Variants in CD1C observed in about 807,000 individuals in gnomAD.
The protein encoded by CD1C is T-cell surface glycoprotein CD1c.
CD1C carries 47 observed loss-of-function variants against 39.4 expected under a neutral mutation model. The observed-to-expected ratio is 1.19, with a 90% CI of 0.94 to 1.52. The LOEUF (loss-of-function observed/expected upper bound fraction) is 1.52, where lower values mean the gene tolerates loss of function less well. Among genes scored for constraint, CD1C ranks in the 40% most tolerant of loss-of-function variants. The pLI is 0.00. For missense variants in CD1C, 417 were observed against 395.2 expected (o/e 1.06, Z -0.47); for synonymous variants, 165 against 150.8 (o/e 1.09, Z -0.69).
At chr1:158,290,874 T>C (rs1651009942) in intron 1 of CD1C, among the ~76,000 whole-genome samples, 1 of 152,114 alleles carries the variant, frequency 6.6e-6, no homozygotes, top group Non-Finnish European at 1.5e-5. Flanking sequence ...TGTATCTGGG[T>C]TGAGCATGAT....
chr1:158,291,545 T>C (rs528109968), intron 2 of CD1C, 145 bp downstream of exon 2: 1 of 829,136 alleles, frequency 1.2e-6, no homozygotes, highest in East Asian at 2.6e-5. Context: ...ATATTCCTGA[T>C]GTTGACTCCC....
chr1:158,290,181 G>C (rs757030115), intron 1 of CD1C, 56 bp downstream of exon 1: 69 of 1,498,326 alleles, frequency 4.6e-5, no homozygotes, highest in Non-Finnish European at 6.3e-5. Flanking sequence ...AGTGTGCTGG[G>C]CTTTCCCGAG....
Position 158,289,950 on chromosome 1 carries a change from G to C in CD1C, c.-115G>C. ...ATCTTCTTAGTTGCTGTCAGCGGCT[G>C]ATGGGGAAGATTGTTGGTAGAAGGA... is the stretch of plus-strand genomic sequence containing the variant. On this transcript the variant is annotated 5_prime_UTR_variant, in exon 1 of 6. Coordinates refer to ENST00000368170, the MANE Select transcript of CD1C (RefSeq NM_001765.3). 1.1e-6 allele frequency: 1 copy of C among 891,070 alleles called. No individual in the cohort carries two copies. Among genetic ancestry groups the C allele is most frequent in the Non-Finnish European group, 1.8e-6 (1 of 557,564 alleles). 55.2% of individuals were successfully genotyped at this position (891,070 alleles called of 1,614,324 possible). A position where few individuals can be genotyped will look rare whatever the true frequency, so the allele number is the denominator to read the frequency against.
In CD1C at chr1:158,291,220, C is replaced by T; in HGVS notation, c.148C>T (p.Leu50=). 6.2e-7 allele frequency: 1 copy of T among 1,614,000 alleles called. No homozygotes were observed. Among genetic ancestry groups the T allele is most frequent in the Non-Finnish European group, 8.5e-7 (1 of 1,180,002 alleles). Residue 50 remains leucine, a synonymous_variant, in exon 2 of 6, where the codon CTG becomes TTG. Transcript: ENST00000368170. Reference sequence around the variant, plus strand: ...GGCACGAGGTCAGGGCTCAGGATGGCTGGACGAGTTGCAGACTCATGGCTG... The same window carrying T: ...GGCACGAGGTCAGGGCTCAGGATGGTTGGACGAGTTGCAGACTCATGGCTG... ...SWARGQGSGW[L]DELQTHGWDS... is the part of the protein sequence containing the mutation.
In CD1C at chr1:158,293,869, C is replaced by T. The variant is rs1406567104; in HGVS notation, c.*393C>T. On this transcript the variant is annotated 3_prime_UTR_variant, in exon 6 of 6. Transcript: ENST00000368170. ...GTGCCTTTCCTGCATATGATAGGCTCAGTGAAACACAAAACAAAACATCAT... is the reference window on the plus strand; with the variant it reads ...GTGCCTTTCCTGCATATGATAGGCTTAGTGAAACACAAAACAAAACATCAT... Among the ~76,000 whole-genome samples, 1 of 152,160 alleles carries T rather than the reference C, an allele frequency of 6.6e-6. No homozygotes were observed. The highest frequency in any genetic ancestry group is 1.5e-5 in the Non-Finnish European group (1 of 68,034).
In CD1C at chr1:158,290,041, GAGAA is replaced by G. The variant is rs1197275409; in HGVS notation, c.-18_-15del. 6.2e-7 allele frequency: 1 copy of G among 1,612,224 alleles called. No individual in the cohort carries two copies. The highest frequency in any genetic ancestry group is 8.5e-7 in the Non-Finnish European group (1 of 1,178,368). On this transcript the variant is annotated 5_prime_UTR_variant, in exon 1 of 6. Coordinates refer to ENST00000368170, the MANE Select transcript of CD1C (RefSeq NM_001765.3). ...AGAGATCAGCAAACAGCTTTTCTGA[GAGAA>G]AGAAACATCTGCAAATGACATGCTG...
chr1:158,291,322 C>T lies in CD1C; in HGVS notation c.250C>T (p.Leu84=). 1 of 1,614,072 alleles carries T rather than the reference C, an allele frequency of 6.2e-7. No individual in the cohort carries two copies. The highest frequency in any genetic ancestry group is 8.5e-7 in the Non-Finnish European group (1 of 1,179,954). The stretch of plus-strand genomic sequence containing the variant: ...CTTCAGCAATGAAGAGTTGTCAGAC[C>T]TAGAGTTGTTATTTCGTTTCTACCT... ...GNFSNEELSD[L]ELLFRFYLFG... The change falls in exon 2 of 6, where the codon CTA becomes TTA. Residue 84 remains leucine (L), a synonymous_variant. Transcript: ENST00000368170.
In CD1C at chr1:158,291,547, T is replaced by C. The variant is rs983675758; in HGVS notation, c.328+147T>C. On this transcript the variant is annotated intron_variant, in intron 2 of 5. Transcript: ENST00000368170. Reference sequence around the variant, plus strand: ...AACCTTTTAAGGGATATTCCTGATGTTGACTCCCTCAAATTTCCTAGGCTC... The same window carrying C: ...AACCTTTTAAGGGATATTCCTGATGCTGACTCCCTCAAATTTCCTAGGCTC... 9.7e-6 allele frequency: 8 copies of C among 824,150 alleles called. No individual in the cohort carries two copies. The Admixed American group carries it at 1.7e-4, about 17-fold the overall frequency. 51.1% of individuals were successfully genotyped at this position (824,150 alleles called of 1,614,324 possible). A position where few individuals can be genotyped will look rare whatever the true frequency, so the allele number is the denominator to read the frequency against.
chr1:158,290,212 G>T lies in CD1C; in HGVS notation c.61+87G>T. 5.0e-6 allele frequency: 6 copies of T among 1,211,576 alleles called. No homozygotes were observed. The South Asian group carries it at 7.7e-5, about 15-fold the overall frequency. The allele number at this position is 1,211,576 out of a possible 1,614,324, so 75.1% of individuals were successfully genotyped here. On this transcript the variant is annotated intron_variant, in intron 1 of 5. Transcript: ENST00000368170. ...CCGAGATGGATCAATAGAGATGCCAGAATGCTTGCCATCTGAGCATACCTG... is the reference window on the plus strand; with the variant it reads ...CCGAGATGGATCAATAGAGATGCCATAATGCTTGCCATCTGAGCATACCTG...
At position 158,294,518 on chromosome 1, in the gene CD1C, G is replaced by T. The variant is rs984453825; in HGVS notation, c.*1042G>T. Among the ~76,000 whole-genome samples the T allele has an allele frequency of 6.6e-6, 1 of 152,170 alleles. No homozygotes were observed. Among genetic ancestry groups the T allele is most frequent in the East Asian group, 1.9e-4 (1 of 5,180 alleles). On this transcript the variant is annotated 3_prime_UTR_variant, in exon 6 of 6. Transcript: ENST00000368170. ...TATTTATTTCAAAAAATTTTAAATAGATTTTATTGATGTATAATTTATAGT... is the reference window on the plus strand; with the variant it reads ...TATTTATTTCAAAAAATTTTAAATATATTTTATTGATGTATAATTTATAGT...
In CD1C at chr1:158,292,654, GGTTTGTCAT is replaced by G. The variant is rs752096853; in HGVS notation, c.671_679del (p.Val224_His226del). 26 of 1,613,580 alleles carry G rather than the reference GGTTTGTCAT, an allele frequency of 1.6e-5. No homozygotes were observed. The highest frequency in any genetic ancestry group is 2.1e-5 in the Non-Finnish European group (25 of 1,180,056). ...GCCTTGGGTCTGGCCAGCTGTTGCT[GGTTTGTCAT>G]GCCTCCGGCTTCTACCCAAAGCCTG... On this transcript the variant is annotated inframe_deletion, in exon 4 of 6. Transcript: ENST00000368170.
At position 158,292,786 on chromosome 1, in the gene CD1C, C is replaced by G. The variant is rs3176969; in HGVS notation, c.801C>G (p.Ile267Met). Residue 267 changes from isoleucine to methionine, a missense_variant, in exon 4 of 6, where the codon ATC becomes ATG. Physicochemically the swap from Ile to Met is conservative, Grantham distance 10. Transcript: ENST00000368170. ...NADGTWYLQV[I>M]LEVASEEPAG... ...ATGGGACATGGTATCTTCAGGTGATCCTGGAGGTGGCATCTGAGGAGCCTG... is the reference window on the plus strand; with the variant it reads ...ATGGGACATGGTATCTTCAGGTGATGCTGGAGGTGGCATCTGAGGAGCCTG... The G allele has an allele frequency of 7.4e-6, 12 of 1,614,040 alleles. No homozygotes were observed. Among genetic ancestry groups the G allele is most frequent in the Non-Finnish European group, 1.0e-5 (12 of 1,180,018 alleles).
Position 158,290,047 on chromosome 1 carries a change from GA to G in CD1C, c.-15del. On this transcript the variant is annotated 5_prime_UTR_variant, in exon 1 of 6. Coordinates refer to ENST00000368170, the MANE Select transcript of CD1C (RefSeq NM_001765.3). ...CAGCAAACAGCTTTTCTGAGAGAAA[GA>G]AACATCTGCAAATGACATGCTGTTT... The G allele has an allele frequency of 6.2e-7, 1 of 1,613,216 alleles. No homozygotes were observed. Among genetic ancestry groups the G allele is most frequent in the Non-Finnish European group, 8.5e-7 (1 of 1,179,276 alleles).
rs1650975666 is a variant in CD1C, at chr1:158,289,992, C to G, written c.-73C>G. 3.6e-6 allele frequency: 5 copies of G among 1,382,984 alleles called. No individual in the cohort carries two copies. Among genetic ancestry groups the G allele is most frequent in the South Asian group, 2.4e-5 (2 of 84,982 alleles). 85.7% of individuals were successfully genotyped at this position (1,382,984 alleles called of 1,614,324 possible). ...GTAGAAGGAAGTCAGAATATAGGTACAGAGGGATAAGTTTGCTAAGAACAG... is the reference window on the plus strand; with the variant it reads ...GTAGAAGGAAGTCAGAATATAGGTAGAGAGGGATAAGTTTGCTAAGAACAG... On this transcript the variant is annotated 5_prime_UTR_variant, in exon 1 of 6. An upstream open reading frame in the 5' UTR gains an earlier in-frame stop. Transcript: ENST00000368170.
chr1:158,293,735 G>A lies in CD1C; in HGVS notation c.*259G>A, dbSNP rs956304218. 4.1e-6 allele frequency: 3 copies of A among 739,272 alleles called. No individual in the cohort carries two copies. The highest frequency in any genetic ancestry group is 1.8e-5 in the South Asian group (1 of 55,480). The allele number at this position is 739,272 out of a possible 1,614,324, so 45.8% of individuals were successfully genotyped here. ...TTCCTTGACCCATACTGAACCCAGA[G>A]AGCCCCTCAACTGTTATGTGCATGC... On this transcript the variant is annotated 3_prime_UTR_variant, in exon 6 of 6. Coordinates refer to ENST00000368170, the MANE Select transcript of CD1C (RefSeq NM_001765.3).
rs1651167428 is a variant in CD1C at position 158,294,649 on chromosome 1, TG to T, written c.*1174del. ...ATTAAATGTCATAACCCCTCATACC[TG>T]TTTGTAGTCAAGCACACCAACAACC... On this transcript the variant is annotated 3_prime_UTR_variant, in exon 6 of 6. Coordinates refer to ENST00000368170, the MANE Select transcript of CD1C (RefSeq NM_001765.3). 6.6e-6 allele frequency among the ~76,000 whole-genome samples: 1 copy of T among 152,198 alleles called. No homozygotes were observed.
chr1:158,291,944 T>G, intron 2 of CD1C, 140 bp from the exon 3 acceptor site: 1 of 807,344 alleles, frequency 1.2e-6, no homozygotes, highest in South Asian at 1.8e-5. Context: ...CTCTCTTGTT[T>G]CTGATCAAAT....
Position 158,291,410 on chromosome 1 carries a change from A to C in CD1C, c.328+10A>C, listed in dbSNP as rs1292307678. 1 of 1,612,002 alleles carries C rather than the reference A, an allele frequency of 6.2e-7. No individual in the cohort carries two copies. The highest frequency in any genetic ancestry group is 2.2e-5 in the East Asian group (1 of 44,852). Reference sequence around the variant, plus strand: ...CAAGATTACTCGAAATGTAAGTTCAATCATCTAAATTATGGGAGTTCTTTA... The same window carrying C: ...CAAGATTACTCGAAATGTAAGTTCACTCATCTAAATTATGGGAGTTCTTTA... On this transcript the variant is annotated intron_variant, in intron 2 of 5. Coordinates refer to ENST00000368170, the MANE Select transcript of CD1C (RefSeq NM_001765.3).
intron 1 of CD1C, among the ~76,000 whole-genome samples, chr1:158,290,698 T>A (rs768368299): frequency 1.1e-4 from 17 of 152,064 alleles, no homozygotes; most frequent in Non-Finnish European, 2.2e-4. Context: ...AATATAGATG[T>A]AGAGGGATAA....
Sources: allele counts gnomAD v4.1 joint callset (sites outside exome capture counted in the v4.1 genomes callset), GRCh38; gene constraint gnomAD v4.1.1; transcripts MANE v1.5; gene names NCBI Gene and HGNC (gene_info 2026-07-23, HGNC 2026-07-21).